SINHCAF: variants seen among roughly 807,000 people sequenced by gnomAD.
SINHCAF encodes SIN3-HDAC complex-associated factor.
SINHCAF carries 3 observed loss-of-function variants against 25.8 expected under a neutral mutation model. The ratio of observed to expected loss-of-function variants is 0.12; its 90% CI spans 0.05 to 0.30. The LOEUF (loss-of-function observed/expected upper bound fraction) is 0.30, where lower values mean the gene tolerates loss of function less well. SINHCAF is among the 10% of genes least tolerant of loss of function. The pLI is 1.00. For synonymous variants in SINHCAF, 70 were observed against 85.5 expected (o/e 0.82, Z 1.00); for missense variants, 121 against 262.3 (o/e 0.46, Z 3.72).
At chr12:31,302,649 G>T (rs944584043) in intron 1 of SINHCAF, among the ~76,000 whole-genome samples, 2 of 151,274 alleles carry the variant, frequency 1.3e-5, no homozygotes, top group African/African-American at 4.9e-5. Context: ...TTTTAAACAG[G>T]GGGATACCTG....
At position 31,290,596 on chromosome 12, in the gene SINHCAF, A is replaced by C. The variant is rs530315406; in HGVS notation, c.356-2812T>G. On this transcript the variant is annotated intron_variant, in intron 4 of 5. Transcript: ENST00000337682. ...AAAAATGAGTCTAGTGGGATGTTTA[A>C]GACTTCCTAAATAATTAACATCAAC... Among the ~76,000 whole-genome samples the C allele has an allele frequency of 9.2e-5, 14 of 152,370 alleles. No individual in the cohort carries two copies. The East Asian group carries it at 1.3e-3, about 15-fold the overall frequency.
In SINHCAF at chr12:31,324,595, G is replaced by A; in HGVS notation, c.-21+1429C>T. On this transcript the variant is annotated intron_variant, in intron 1 of 5. Transcript: ENST00000337682. This position sits in a 1 kb window ranked among gnomAD's most constrained non-coding sequence, Gnocchi z 5.5. ...ACTTCGAGGGCCTCCGACCTGCACGGCCCTACGCCCAGGCGGCGGCCCCGA... is the reference window on the plus strand; with the variant it reads ...ACTTCGAGGGCCTCCGACCTGCACGACCCTACGCCCAGGCGGCGGCCCCGA... 3.9e-6 allele frequency: 1 copy of A among 258,776 alleles called. No individual in the cohort carries two copies. Among genetic ancestry groups the A allele is most frequent in the Non-Finnish European group, 7.8e-6 (1 of 128,664 alleles). 16.0% of individuals were successfully genotyped at this position (258,776 alleles called of 1,614,324 possible). A position where few individuals can be genotyped will look rare whatever the true frequency, so the allele number is the denominator to read the frequency against.
intron 4 of SINHCAF, among the ~76,000 whole-genome samples, chr12:31,291,944 G>A (rs1472293059): frequency 6.6e-6 from 1 of 152,056 alleles, no homozygotes; most frequent in Non-Finnish European, 1.5e-5. Context: ...TACTGTACCT[G>A]GTGAACACCC....
rs1380260429 is a variant in SINHCAF, at chr12:31,324,871, G to C, written c.-21+1153C>G. 1.2e-5 allele frequency: 5 copies of C among 430,956 alleles called. No individual in the cohort carries two copies. The highest frequency in any genetic ancestry group is 2.4e-5 in the Non-Finnish European group (5 of 212,174). 26.7% of individuals were successfully genotyped at this position (430,956 alleles called of 1,614,324 possible). A position where few individuals can be genotyped will look rare whatever the true frequency, so the allele number is the denominator to read the frequency against. ...GAGAAACGCCCGGAGTATCCGCCCCGCACGGGCGGAGAGTTGGCGACTTTC... is the reference window on the plus strand; with the variant it reads ...GAGAAACGCCCGGAGTATCCGCCCCCCACGGGCGGAGAGTTGGCGACTTTC... On this transcript the variant is annotated intron_variant, in intron 1 of 5. Coordinates refer to ENST00000337682, the MANE Select transcript of SINHCAF (RefSeq NM_001135812.2). The surrounding 1 kb of genome is among the most constrained non-coding windows in gnomAD (Gnocchi z 5.5).
rs1939961266 is a variant in SINHCAF, at chr12:31,325,968, GA to G, written c.-21+55del. The G allele has an allele frequency of 6.6e-6, 1 of 151,880 alleles. No individual in the cohort carries two copies. The highest frequency in any genetic ancestry group is 2.4e-5 in the African/African-American group (1 of 41,362). The allele number at this position is 151,880 out of a possible 1,614,324, so 9.4% of individuals were successfully genotyped here. A position where few individuals can be genotyped will look rare whatever the true frequency, so the allele number is the denominator to read the frequency against. The stretch of plus-strand genomic sequence containing the variant: ...GTGAAAAGAGAAAAAAAAAAACACT[GA>G]AATCAAAGCCTCGTGAGACAGTTTT... On this transcript the variant is annotated intron_variant, in intron 1 of 5. Transcript: ENST00000337682. This position sits in a 1 kb window ranked among gnomAD's most constrained non-coding sequence, Gnocchi z 5.9.
At chr12:31,293,456 C>G (rs1450903407) in intron 4 of SINHCAF, among the ~76,000 whole-genome samples, 1 of 152,184 alleles carries the variant, frequency 6.6e-6, no homozygotes, top group African/African-American at 2.4e-5. Flanking sequence ...GTCCCCTTTA[C>G]GTACCTTCTT....
At chr12:31,302,607 C>T (rs1253581118) in intron 1 of SINHCAF, among the ~76,000 whole-genome samples, 1 of 151,116 alleles carries the variant, frequency 6.6e-6, no homozygotes, top group Non-Finnish European at 1.5e-5. Context: ...TGTTTCAAAG[C>T]AGATTACACG....
chr12:31,311,697 TG>T, intron 1 of SINHCAF: 1 of 493,970 alleles, frequency 2.0e-6, no homozygotes. Context: ...ATGCAAGCAT[TG>T]AGAAAAATGG....
chr12:31,303,639 C>T (rs564367143), intron 1 of SINHCAF: 19 of 152,108 alleles, frequency 1.2e-4, no homozygotes, highest in Admixed American at 1.0e-3. Flanking sequence ...AATAGACTTA[C>T]GTAAGTTGGT....
chr12:31,286,658 G>A (rs117342772), intron 5 of SINHCAF, among the ~76,000 whole-genome samples: 1,568 of 130,984 alleles, frequency 0.012, 16 homozygotes, highest in East Asian at 0.039. Context: ...GCAAAACTCC[G>A]TCTCAAAAAA....
intron 1 of SINHCAF, among the ~76,000 whole-genome samples, chr12:31,321,964 T>G (rs1241729855): frequency 1.3e-5 from 2 of 152,028 alleles, no homozygotes; most frequent in African/African-American, 4.8e-5. Flanking sequence ...GAGTCAGGAT[T>G]TCCCAGGACT....
intron 1 of SINHCAF, among the ~76,000 whole-genome samples, chr12:31,306,191 A>G (rs1006444914): frequency 2.6e-5 from 4 of 152,188 alleles, no homozygotes; most frequent in African/African-American, 9.7e-5. Context: ...ACATATTTAT[A>G]TGCTTAAGAT....
rs1297072327 is a variant in SINHCAF, at chr12:31,324,739, C to T, written c.-21+1285G>A. 1.1e-5 allele frequency: 4 copies of T among 350,818 alleles called. No individual in the cohort carries two copies. The highest frequency in any genetic ancestry group is 2.3e-5 in the Non-Finnish European group (4 of 176,066). 21.7% of individuals were successfully genotyped at this position (350,818 alleles called of 1,614,324 possible). On this transcript the variant is annotated intron_variant, in intron 1 of 5. Coordinates refer to ENST00000337682, the MANE Select transcript of SINHCAF (RefSeq NM_001135812.2). The surrounding 1 kb of genome is among the most constrained non-coding windows in gnomAD (Gnocchi z 5.5). ...CAGGGGCCGGACACTGGACGATCACCCTGGGTAGGGGTCCGGACCCCGCGC... is the reference window on the plus strand; with the variant it reads ...CAGGGGCCGGACACTGGACGATCACTCTGGGTAGGGGTCCGGACCCCGCGC...
intron 1 of SINHCAF, among the ~76,000 whole-genome samples, chr12:31,305,850 C>T (rs1332285385): frequency 6.6e-6 from 1 of 152,094 alleles, no homozygotes; most frequent in Non-Finnish European, 1.5e-5. Context: ...CAGGCGTGCG[C>T]CACGATGCCC....
intron 1 of SINHCAF, among the ~76,000 whole-genome samples, chr12:31,300,872 T>C (rs542102394): frequency 1.3e-5 from 2 of 152,240 alleles, no homozygotes; most frequent in South Asian, 4.1e-4. Context: ...CATCCATAAC[T>C]CTTGGAAACT....
chr12:31,295,699 G>A (rs1254027286), intron 2 of SINHCAF, among the ~76,000 whole-genome samples: 2 of 148,184 alleles, frequency 1.3e-5, no homozygotes, highest in Non-Finnish European at 3.0e-5. Flanking sequence ...ACAAAATCCC[G>A]TGTCTCTACT....
At chr12:31,294,539 C>G (rs1178939044) in intron 3 of SINHCAF, among the ~76,000 whole-genome samples, 3 of 152,170 alleles carry the variant, frequency 2.0e-5, no homozygotes, top group African/African-American at 7.2e-5. Flanking sequence ...CTCCCACAGT[C>G]TAGCCCAGCC....
chr12:31,307,348 G>C (rs1048576505), intron 1 of SINHCAF, among the ~76,000 whole-genome samples: 8 of 152,116 alleles, frequency 5.3e-5, no homozygotes, highest in Admixed American at 2.0e-4. Flanking sequence ...TTGAGCCCAG[G>C]AGTTTGAGAC....
At chr12:31,287,885 G>A (rs1415808370) in intron 4 of SINHCAF, 101 bp from the exon 5 acceptor site, 1 of 504,952 alleles carries the variant, frequency 2.0e-6, no homozygotes. Context: ...TGGTAAAAAA[G>A]AAAAAGTAAA....
Sources: gnomAD v4.1 joint callset for allele counts (sites outside exome capture counted in the v4.1 genomes callset) on GRCh38, gnomAD v4.1.1 for gene constraint, Gnocchi (gnomAD v3.1) non-coding constraint, MANE v1.5 for transcripts, NCBI Gene and HGNC (gene_info 2026-07-23, HGNC 2026-07-21) for gene names.